Variants in SEL1L observed in about 807,000 individuals in gnomAD.
SEL1L encodes SEL1L adaptor subunit of SYVN1 ubiquitin ligase.
A neutral mutation model predicts 109.8 loss-of-function variants in SEL1L; 52 were observed. The ratio of observed to expected loss-of-function variants is 0.47; its 90% CI spans 0.38 to 0.60. The LOEUF is 0.60. SEL1L is among the 20% of genes least tolerant of loss of function. The pLI, the probability that SEL1L is intolerant of heterozygous loss-of-function variation, is 0.00. For synonymous variants in SEL1L, 373 were observed against 339.6 expected, an observed-to-expected ratio of 1.10 and a Z score of -1.08; for missense variants, 749 against 962.2, an observed-to-expected ratio of 0.78 and a Z score of 2.93.
chr14:81,517,381 G>A (rs188117407), intron 3 of SEL1L, among the ~76,000 whole-genome samples: 40 of 152,292 alleles, frequency 2.6e-4, no homozygotes, highest in Admixed American at 5.2e-4. Context: ...AACCAAAAAC[G>A]TTACAAGTTT....
At position 81,475,161 on chromosome 14, in the gene SEL1L, C is replaced by T. The variant is rs975993030; in HGVS notation, c.*1811G>A. On this transcript the variant is annotated 3_prime_UTR_variant, in exon 21 of 21. Transcript: ENST00000336735. ...ACACCAAAGTACTGTACCAACTGCACTCAAATCTCTACATGTAAGAGACCA... is the reference window on the plus strand; with the variant it reads ...ACACCAAAGTACTGTACCAACTGCATTCAAATCTCTACATGTAAGAGACCA... The T allele has an allele frequency of 2.0e-5, 3 of 152,156 alleles. No homozygotes were observed. The highest frequency in any genetic ancestry group is 7.2e-5 in the African/African-American group (3 of 41,422). 9.4% of individuals were successfully genotyped at this position (152,156 alleles called of 1,614,324 possible). A position where few individuals can be genotyped will look rare whatever the true frequency, so the allele number is the denominator to read the frequency against.
At chr14:81,516,876 T>G (rs74700444) in intron 3 of SEL1L, among the ~76,000 whole-genome samples, 3 of 152,188 alleles carry the variant, frequency 2.0e-5, no homozygotes, top group Non-Finnish European at 2.9e-5. Context: ...TCCTCCAGAC[T>G]TCCCCCCCAT....
intron 3 of SEL1L, among the ~76,000 whole-genome samples, chr14:81,518,648 G>A (rs1291978293): frequency 1.5e-5 from 2 of 137,876 alleles, no homozygotes; most frequent in African/African-American, 3.0e-5. Context: ...GGACAAGAGC[G>A]AGACTTCGTC....
intron 3 of SEL1L, among the ~76,000 whole-genome samples, chr14:81,522,566 C>T (rs2140054369): frequency 6.6e-6 from 1 of 152,242 alleles, no homozygotes; most frequent in Admixed American, 6.5e-5. Context: ...GAGGTATAGG[C>T]TACACTAGCT....
intron 3 of SEL1L, among the ~76,000 whole-genome samples, chr14:81,517,665 A>T (rs1884755132): frequency 6.6e-6 from 1 of 152,250 alleles, no homozygotes; most frequent in Non-Finnish European, 1.5e-5. Context: ...GAATATTTTT[A>T]AAATAGCTTT....
chr14:81,482,207 C>A (rs1194503026), intron 19 of SEL1L, among the ~76,000 whole-genome samples: 1 of 152,014 alleles, frequency 6.6e-6, no homozygotes, highest in Non-Finnish European at 1.5e-5. Flanking sequence ...ATTAGCTATA[C>A]AGTGTATTAC....
intron 19 of SEL1L, among the ~76,000 whole-genome samples, chr14:81,480,230 C>T (rs1480892830): frequency 6.6e-6 from 1 of 151,992 alleles, no homozygotes; most frequent in Non-Finnish European, 1.5e-5. Context: ...TTGCTGTCAC[C>T]CAGGCTGGAG....
intron 1 of SEL1L, among the ~76,000 whole-genome samples, chr14:81,529,621 C>T (rs1039123579): frequency 6.6e-6 from 1 of 152,216 alleles, no homozygotes; most frequent in Non-Finnish European, 1.5e-5. Flanking sequence ...TTTGTAACAT[C>T]AGAGTTATTT....
intron 6 of SEL1L, among the ~76,000 whole-genome samples, chr14:81,500,661 C>T (rs1883966773): frequency 6.6e-6 from 1 of 152,126 alleles, no homozygotes; most frequent in African/African-American, 2.4e-5. Flanking sequence ...AGACAACTCC[C>T]GCTATAGGTA....
intron 16 of SEL1L, 112 bp downstream of exon 16, chr14:81,487,278 G>C (rs956521778): frequency 5.0e-6 from 5 of 1,009,034 alleles, no homozygotes; most frequent in Non-Finnish European, 6.9e-6. Flanking sequence ...AGCTAGGTAG[G>C]CTGAGTCTAG....
chr14:81,489,300 T>A lies in SEL1L; in HGVS notation c.1347A>T (p.Gly449=), dbSNP rs756999206. ...GGTAGGCCATTCCAAGCCCACTCTG[T>A]CCAACTGGGTTGCCCTGCAAAGCAG... ...KKAADMGNPV[G]QSGLGMAYLY... Residue 449 remains glycine (G), a synonymous_variant, in exon 14 of 21, where the codon GGA becomes GGT. Transcript: ENST00000336735. 6.2e-7 allele frequency: 1 copy of A among 1,614,100 alleles called. No homozygotes were observed. The highest frequency in any genetic ancestry group is 1.1e-5 in the South Asian group (1 of 91,060).
chr14:81,483,870 A>G (rs1903435893), intron 19 of SEL1L, among the ~76,000 whole-genome samples: 1 of 152,256 alleles, frequency 6.6e-6, no homozygotes, highest in Non-Finnish European at 1.5e-5. Context: ...AAATAAATTT[A>G]TCAGTAGAAT....
intron 3 of SEL1L, among the ~76,000 whole-genome samples, chr14:81,520,456 C>T (rs1884861581): frequency 6.6e-6 from 1 of 152,146 alleles, no homozygotes; most frequent in African/African-American, 2.4e-5. Context: ...ACTATATATG[C>T]ATATTTATTA....
chr14:81,489,765 A>G (rs1883470230), intron 13 of SEL1L, among the ~76,000 whole-genome samples: 1 of 152,224 alleles, frequency 6.6e-6, no homozygotes, highest in Admixed American at 6.5e-5. Context: ...TGACAAAGAT[A>G]TACTTAGGAT....
intron 3 of SEL1L, among the ~76,000 whole-genome samples, chr14:81,506,896 C>A (rs76405507): frequency 0.042 from 6,408 of 152,220 alleles, 198 homozygotes; most frequent in Non-Finnish European, 0.063. Context: ...ATCTTTGCTA[C>A]ACACAACTTA....
At chr14:81,520,926 G>C (rs1279455164) in intron 3 of SEL1L, among the ~76,000 whole-genome samples, 2 of 152,072 alleles carry the variant, frequency 1.3e-5, no homozygotes, top group African/African-American at 4.8e-5. Context: ...TAGAGGCCTT[G>C]AGTGTTGAAC....
At chr14:81,524,816 G>T (rs1310518141) in intron 3 of SEL1L, among the ~76,000 whole-genome samples, 3 of 152,156 alleles carry the variant, frequency 2.0e-5, no homozygotes, top group African/African-American at 7.2e-5. Flanking sequence ...GGAGGCTGCA[G>T]TAAGCCAAGG....
intron 1 of SEL1L, among the ~76,000 whole-genome samples, chr14:81,530,011 T>C (rs1003547503): frequency 8.5e-5 from 13 of 152,252 alleles, no homozygotes; most frequent in African/African-American, 3.1e-4. Context: ...AAATGGTTCA[T>C]ATTATTTTAT....
At chr14:81,490,053 T>C (rs1319230969) in intron 13 of SEL1L, among the ~76,000 whole-genome samples, 1 of 152,236 alleles carries the variant, frequency 6.6e-6, no homozygotes, top group Admixed American at 6.5e-5. Context: ...TTATCAAAAG[T>C]ACCCTATTAT....
Sources: gnomAD v4.1 joint callset for allele counts (sites outside exome capture counted in the v4.1 genomes callset) on GRCh38, gnomAD v4.1.1 for gene constraint, MANE v1.5 for transcripts, NCBI Gene and HGNC (gene_info 2026-07-23, HGNC 2026-07-21) for gene names.